Variants in MGAT4C observed in about 807,000 individuals in gnomAD.
The protein encoded by MGAT4C is alpha-1,3-mannosyl-glycoprotein 4-beta-N-acetylglucosaminyltransferase C.
MGAT4C carries 19 observed loss-of-function variants against 40.1 expected under a neutral mutation model. The observed-to-expected ratio is 0.47, with a 90% CI of 0.33 to 0.70. The LOEUF (loss-of-function observed/expected upper bound fraction) is 0.70, where lower values mean the gene tolerates loss of function less well. Among genes scored for constraint, MGAT4C ranks in the 30% least tolerant of loss-of-function variants. The pLI is 0.02. For missense variants in MGAT4C, 491 were observed against 563.2 expected (o/e 0.87, Z 1.30); for synonymous variants, 181 against 187.1 (o/e 0.97, Z 0.27).
chr12:86,192,860 T>C (rs558730927), intron 1 of MGAT4C, among the ~76,000 whole-genome samples: 1 of 152,276 alleles, frequency 6.6e-6, no homozygotes, highest in Non-Finnish European at 1.5e-5. Flanking sequence ...TTTATAGATA[T>C]GTTGGTATGT....
At position 86,717,089 on chromosome 12, in the gene MGAT4C, T is replaced by G. The variant is rs1271295997; in HGVS notation, c.-229+10120A>C. On this transcript the variant is annotated intron_variant, in intron 2 of 7. Coordinates refer to the MGAT4C transcript ENST00000548651. ...AATGGGAAAAAATAATCAAATGTTG[T>G]GCTCTTTTTTTGGCCAAAGGACTTC... is the stretch of plus-strand genomic sequence containing the variant. Among the ~76,000 whole-genome samples the G allele has an allele frequency of 2.0e-5, 3 of 152,180 alleles. No individual in the cohort carries two copies. The East Asian group carries it at 5.8e-4, about 29-fold the overall frequency.
At chr12:86,246,392 C>A (rs972767712) in intron 1 of MGAT4C, among the ~76,000 whole-genome samples, 1 of 151,946 alleles carries the variant, frequency 6.6e-6, no homozygotes. Context: ...GGTCTTCATT[C>A]CAGAAGGTTT....
chr12:86,232,123 A>T (rs1408960237), intron 1 of MGAT4C, among the ~76,000 whole-genome samples: 1 of 141,168 alleles, frequency 7.1e-6, no homozygotes, highest in Non-Finnish European at 1.5e-5. Flanking sequence ...CGACAGAGCG[A>T]GACTCTCTTC....
chr12:86,783,461 TCTTCC>T, intron 1 of MGAT4C, among the ~76,000 whole-genome samples: 1 of 151,940 alleles, frequency 6.6e-6, no homozygotes, highest in African/African-American at 2.4e-5. Flanking sequence ...TTCTTATCCA[TCTTCC>T]CTTCAAGAAA....
chr12:86,460,039 G>A (rs537060199), intron 2 of MGAT4C, among the ~76,000 whole-genome samples: 3 of 151,840 alleles, frequency 2.0e-5, no homozygotes, highest in South Asian at 2.1e-4. Flanking sequence ...GATTTGTAAC[G>A]CAAGTTCTTC....
intron 1 of MGAT4C, among the ~76,000 whole-genome samples, chr12:86,059,703 G>A (rs1893749437): frequency 6.6e-6 from 1 of 152,170 alleles, no homozygotes; most frequent in East Asian, 1.9e-4. Context: ...CAACCACAGT[G>A]GGAAACTTCA....
intron 2 of MGAT4C, among the ~76,000 whole-genome samples, chr12:86,669,875 T>C (rs1964209939): frequency 6.6e-6 from 1 of 152,170 alleles, no homozygotes. Context: ...TACTGGTTTG[T>C]AGGTTGAACT....
chr12:86,148,709 A>G (rs1883875750), intron 1 of MGAT4C, among the ~76,000 whole-genome samples: 1 of 152,222 alleles, frequency 6.6e-6, no homozygotes, highest in African/African-American at 2.4e-5. Context: ...AGTAATAAAT[A>G]TTCATAAACA....
At chr12:85,996,290 TAAAAAC>T (rs1886613672) in intron 2 of MGAT4C, among the ~76,000 whole-genome samples, 1 of 151,994 alleles carries the variant, frequency 6.6e-6, no homozygotes, top group Non-Finnish European at 1.5e-5. Context: ...AATATTTAAA[TAAAAAC>T]AAAAACAATT....
chr12:86,198,049 T>C (rs1949891600), intron 1 of MGAT4C, among the ~76,000 whole-genome samples: 3 of 152,168 alleles, frequency 2.0e-5, no homozygotes, highest in Admixed American at 2.0e-4. Flanking sequence ...CTAAGTTTCA[T>C]TTAAGTAAGA....
At position 86,689,726 on chromosome 12, in the gene MGAT4C, C is replaced by T. The variant is rs1197806522; in HGVS notation, c.-229+37483G>A. On this transcript the variant is annotated intron_variant, in intron 2 of 7. Coordinates refer to the MGAT4C transcript ENST00000548651. ...GGCACCCGCCAGATGCCAGCCAGAGCTCTCCTGTAGGAGGTGTCTGTCGAC... is the reference window on the plus strand; with the variant it reads ...GGCACCCGCCAGATGCCAGCCAGAGTTCTCCTGTAGGAGGTGTCTGTCGAC... Among the ~76,000 whole-genome samples the T allele has an allele frequency of 2.6e-5, 4 of 152,154 alleles. No homozygotes were observed. The East Asian group carries it at 7.8e-4, about 29-fold the overall frequency.
intron 2 of MGAT4C, among the ~76,000 whole-genome samples, chr12:86,710,210 CTCT>C (rs1950532300): frequency 6.6e-6 from 1 of 152,168 alleles, no homozygotes; most frequent in Non-Finnish European, 1.5e-5. Flanking sequence ...ATGGCCACCC[CTCT>C]TCTTTTTTTG....
intron 2 of MGAT4C, among the ~76,000 whole-genome samples, chr12:86,048,170 G>A (rs1345336063): frequency 6.6e-6 from 1 of 152,088 alleles, no homozygotes; most frequent in Non-Finnish European, 1.5e-5. Flanking sequence ...CAACATGGAT[G>A]CTGCTGGAGG....
chr12:86,525,638 C>T (rs1040863423), intron 2 of MGAT4C, among the ~76,000 whole-genome samples: 1 of 152,022 alleles, frequency 6.6e-6, no homozygotes, highest in Admixed American at 6.6e-5. Flanking sequence ...TATTTGACAA[C>T]ATTAAGGATT....
chr12:86,545,888 A>T (rs1255716137), intron 2 of MGAT4C, among the ~76,000 whole-genome samples: 2 of 152,056 alleles, frequency 1.3e-5, no homozygotes, highest in African/African-American at 4.8e-5. Context: ...TTCTTTTATG[A>T]ATGTGTCAGT....
At chr12:86,503,199 CATATATATATATATGAGTTCTGCTCAT>C (rs1958396301) in intron 2 of MGAT4C, among the ~76,000 whole-genome samples, 4 of 15,414 alleles carry the variant, frequency 2.6e-4, no homozygotes, top group African/African-American at 1.8e-3. Flanking sequence ...GAGTTCTGCT[CATATATATATATATGAGTTCTGCTCAT>C]ATATATATAT....
intron 1 of MGAT4C, among the ~76,000 whole-genome samples, chr12:86,153,801 T>A (rs1265309640): frequency 6.6e-6 from 1 of 152,184 alleles, no homozygotes; most frequent in Admixed American, 6.5e-5. Flanking sequence ...TCCTCAGCCA[T>A]GTGGAACTGT....
intron 2 of MGAT4C, among the ~76,000 whole-genome samples, chr12:86,464,113 G>T (rs1284441472): frequency 3.0e-4 from 46 of 152,126 alleles, no homozygotes. Context: ...CTGCCATACT[G>T]TAAGATAGTA....
chr12:86,813,997 G>A lies in MGAT4C; in HGVS notation c.-262+24669C>T, dbSNP rs926237377. 6.6e-5 allele frequency among the ~76,000 whole-genome samples: 10 copies of A among 151,602 alleles called. No homozygotes were observed. In the East Asian group the frequency reaches 1.6e-3, roughly 24 times the overall value. On this transcript the variant is annotated intron_variant, in intron 1 of 7. Transcript: ENST00000548651. ...ACGATATTGGCTCACTGCAACCTCCGCCACCCAGGTTCAAGCAATTCTCCT... is the reference window on the plus strand; with the variant it reads ...ACGATATTGGCTCACTGCAACCTCCACCACCCAGGTTCAAGCAATTCTCCT...
Sources: allele counts gnomAD v4.1 joint callset (sites outside exome capture counted in the v4.1 genomes callset), GRCh38; gene constraint gnomAD v4.1.1; transcripts MANE v1.5; gene names NCBI Gene and HGNC (gene_info 2026-07-23, HGNC 2026-07-21).